Variants in OSBPL3 observed in about 807,000 individuals in gnomAD.
OSBPL3 encodes the protein oxysterol-binding protein-related protein 3.
In OSBPL3, 65 loss-of-function variants were observed where a neutral mutation model predicts 120.1. That is an observed-to-expected ratio of 0.54 (90% CI 0.44 to 0.67). The LOEUF (loss-of-function observed/expected upper bound fraction) is 0.67, where lower values mean the gene tolerates loss of function less well. Among genes scored for constraint, OSBPL3 ranks in the 30% least tolerant of loss-of-function variants. The probability of loss-of-function intolerance (pLI) is 0.00; values close to 1 mark genes in which losing one functional copy is unlikely to be tolerated. For synonymous variants in OSBPL3, 416 were observed against 402.6 expected, an observed-to-expected ratio of 1.03 and a Z score of -0.40; for missense variants, 1,004 against 1,082.1, an observed-to-expected ratio of 0.93 and a Z score of 1.01.
At position 24,947,005 on chromosome 7, in the gene OSBPL3, A is replaced by G. The variant is rs1011667085; in HGVS notation, c.-150+32881T>C. Reference sequence around the variant, plus strand: ...ATTGTTCATTATTCTTGCCGCTTTCATGTCTTTAAATTGTACAACAAAGAA... The same window carrying G: ...ATTGTTCATTATTCTTGCCGCTTTCGTGTCTTTAAATTGTACAACAAAGAA... On this transcript the variant is annotated intron_variant, in intron 1 of 22. Coordinates refer to ENST00000313367, the MANE Select transcript of OSBPL3 (RefSeq NM_015550.4). This position sits in a 1 kb window ranked among gnomAD's most constrained non-coding sequence, Gnocchi z 4.4. 2.2e-4 allele frequency among the ~76,000 whole-genome samples: 33 copies of G among 152,204 alleles called. No homozygotes were observed. Among genetic ancestry groups the G allele is most frequent in the Admixed American group, 1.3e-4 (2 of 15,280 alleles).
At chr7:24,814,912 G>A (rs1287905542) in intron 19 of OSBPL3, 147 bp downstream of exon 19, 4 of 725,038 alleles carry the variant, frequency 5.5e-6, no homozygotes, top group Non-Finnish European at 9.4e-6. Context: ...AGGTGACAGA[G>A]GTGCAGCTGG....
chr7:24,950,098 T>G (rs1012475598), intron 1 of OSBPL3, among the ~76,000 whole-genome samples: 3 of 152,244 alleles, frequency 2.0e-5, no homozygotes, highest in Non-Finnish European at 4.4e-5. Context: ...TAAAAAGTAT[T>G]CATAACAGCA....
intron 1 of OSBPL3, among the ~76,000 whole-genome samples, 170 bp downstream of exon 1, chr7:24,979,716 G>A (rs568704712): frequency 2.0e-5 from 3 of 152,146 alleles, no homozygotes; most frequent in Non-Finnish European, 2.9e-5. Context: ...CGGCACCCAA[G>A]CTCCCAGGCT....
chr7:24,954,529 C>T (rs1046333306), intron 1 of OSBPL3, among the ~76,000 whole-genome samples: 4 of 152,050 alleles, frequency 2.6e-5, no homozygotes, highest in Admixed American at 1.3e-4. Context: ...CTCTCTCTAT[C>T]CCAACCATGT....
chr7:24,966,355 T>A lies in OSBPL3; in HGVS notation c.-150+13531A>T, dbSNP rs1425756743. 1.3e-5 allele frequency among the ~76,000 whole-genome samples: 2 copies of A among 152,184 alleles called. No homozygotes were observed. The highest frequency in any genetic ancestry group is 2.9e-5 in the Non-Finnish European group (2 of 68,040). On this transcript the variant is annotated intron_variant, in intron 1 of 22. Transcript: ENST00000313367. The surrounding 1 kb of genome is among the most constrained non-coding windows in gnomAD (Gnocchi z 4.8). Reference sequence around the variant, plus strand: ...GGCAGTCATCTAATATAAAGATCTATCTACACCTAGCTACACACACCCAGG... The same window carrying A: ...GGCAGTCATCTAATATAAAGATCTAACTACACCTAGCTACACACACCCAGG...
chr7:24,979,704 G>A (rs1818034351), intron 1 of OSBPL3, among the ~76,000 whole-genome samples, 182 bp downstream of exon 1: 1 of 152,160 alleles, frequency 6.6e-6, no homozygotes, highest in Admixed American at 6.5e-5. Flanking sequence ...GGGAGCTGCA[G>A]CCGGCACCCA....
chr7:24,962,388 A>AG (rs1227020893), intron 1 of OSBPL3, among the ~76,000 whole-genome samples: 4 of 112,310 alleles, frequency 3.6e-5, no homozygotes, highest in Non-Finnish European at 7.1e-5. Context: ...AGGAGAGGGG[A>AG]GGGGGGAGGG....
chr7:24,902,715 A>ATAATAAT (rs1807237930), intron 1 of OSBPL3, among the ~76,000 whole-genome samples: 1 of 148,522 alleles, frequency 6.7e-6, no homozygotes, highest in Non-Finnish European at 1.5e-5. Context: ...AATAATAATA[A>ATAATAAT]TAATAATAAT....
rs182902362 is a variant in OSBPL3, at chr7:24,967,179, T to C, written c.-150+12707A>G. On this transcript the variant is annotated intron_variant, in intron 1 of 22. Transcript: ENST00000313367. This position sits in a 1 kb window ranked among gnomAD's most constrained non-coding sequence, Gnocchi z 5.6. The stretch of plus-strand genomic sequence containing the variant: ...TGTACACACAGAAATCTTCCAATCA[T>C]ACAACATTTAATTTTTGTATTTGAC... 1.4e-4 allele frequency among the ~76,000 whole-genome samples: 21 copies of C among 152,328 alleles called. No homozygotes were observed. The highest frequency in any genetic ancestry group is 2.6e-4 in the Non-Finnish European group (18 of 68,024).
intron 1 of OSBPL3, among the ~76,000 whole-genome samples, chr7:24,977,287 T>TA (rs1391685899): frequency 6.6e-6 from 1 of 152,168 alleles, no homozygotes; most frequent in Non-Finnish European, 1.5e-5. Flanking sequence ...TCAATGGCAG[T>TA]AAGAGTCTCA....
chr7:24,908,558 C>G (rs148004132), intron 1 of OSBPL3, among the ~76,000 whole-genome samples: 1 of 152,222 alleles, frequency 6.6e-6, no homozygotes, highest in African/African-American at 2.4e-5. Context: ...TACAGTAAAA[C>G]ATCCCCTTCT....
intron 1 of OSBPL3, among the ~76,000 whole-genome samples, chr7:24,929,982 C>A (rs1166313113): frequency 1.3e-5 from 2 of 152,140 alleles, no homozygotes; most frequent in Non-Finnish European, 2.9e-5. Flanking sequence ...CAAAGTTAGT[C>A]TTCACCTCTC....
At chr7:24,917,447 ACACAC>A (rs1218584947) in intron 1 of OSBPL3, among the ~76,000 whole-genome samples, 2 of 102,478 alleles carry the variant, frequency 2.0e-5, no homozygotes, top group South Asian at 7.1e-4. Context: ...ATATATATAT[ACACAC>A]ACATATATAT....
Position 24,980,025 on chromosome 7 carries a change from G to A in OSBPL3, c.-289C>T, listed in dbSNP as rs1309210107. The A allele has an allele frequency of 3.0e-6, 3 of 985,300 alleles. No homozygotes were observed. The highest frequency in any genetic ancestry group is 5.2e-4 in the Middle Eastern group (1 of 1,932). The allele number at this position is 985,300 out of a possible 1,614,324, so 61.0% of individuals were successfully genotyped here. On this transcript the variant is annotated 5_prime_UTR_variant, in exon 1 of 23. Transcript: ENST00000313367. ...GCTGACAGCTCCCGCACCGGCCGCAGGAGTCGGGGGCGGGGATGGCCACTT... is the reference window on the plus strand; with the variant it reads ...GCTGACAGCTCCCGCACCGGCCGCAAGAGTCGGGGGCGGGGATGGCCACTT...
intron 1 of OSBPL3, among the ~76,000 whole-genome samples, chr7:24,954,562 T>A (rs1461854230): frequency 6.6e-6 from 1 of 151,816 alleles, no homozygotes; most frequent in Non-Finnish European, 1.5e-5. Flanking sequence ...CCTGGTCAAT[T>A]CTCACACAAA....
In OSBPL3 at chr7:24,813,963, G is replaced by C. The variant is rs938139410; in HGVS notation, c.2172+1096C>G. ...CTCATGTGTGCCAGACACCATTGCA[G>C]GAATCAGGGCTACAGAAGTGAGCAA... is the stretch of plus-strand genomic sequence containing the variant. On this transcript the variant is annotated intron_variant, in intron 19 of 22. Transcript: ENST00000313367. This position sits in a 1 kb window ranked among gnomAD's most constrained non-coding sequence, Gnocchi z 4.5. 6.6e-6 allele frequency among the ~76,000 whole-genome samples: 1 copy of C among 152,128 alleles called. No homozygotes were observed. Among genetic ancestry groups the C allele is most frequent in the African/African-American group, 2.4e-5 (1 of 41,422 alleles).
chr7:24,959,570 TG>T lies in OSBPL3; in HGVS notation c.-150+20315del, dbSNP rs1815481568. Among the ~76,000 whole-genome samples, 3 of 152,206 alleles carry T rather than the reference TG, an allele frequency of 2.0e-5. No homozygotes were observed. Among genetic ancestry groups the T allele is most frequent in the Middle Eastern group, 3.2e-3 (1 of 316 alleles). On this transcript the variant is annotated intron_variant, in intron 1 of 22. Transcript: ENST00000313367. The surrounding 1 kb of genome is among the most constrained non-coding windows in gnomAD (Gnocchi z 4.3). ...GTAGGGATAGCGACTTCGGAAGAGCTGGTAATCACCTGTTTCTTGTTCTGGA... is the reference window on the plus strand; with the variant it reads ...GTAGGGATAGCGACTTCGGAAGAGCTGTAATCACCTGTTTCTTGTTCTGGA...
At position 24,854,199 on chromosome 7, in the gene OSBPL3, T is replaced by C. The variant is rs749846783; in HGVS notation, c.1028-1565A>G. ...ACATTTGAATATTATCTTTCCAATCTCCTTTATAATATTTTGTTTTAGAAG... is the reference window on the plus strand; with the variant it reads ...ACATTTGAATATTATCTTTCCAATCCCCTTTATAATATTTTGTTTTAGAAG... On this transcript the variant is annotated intron_variant, in intron 10 of 22. Coordinates refer to ENST00000313367, the MANE Select transcript of OSBPL3 (RefSeq NM_015550.4). The surrounding 1 kb of genome is among the most constrained non-coding windows in gnomAD (Gnocchi z 4.1). 7.2e-5 allele frequency among the ~76,000 whole-genome samples: 11 copies of C among 152,112 alleles called. No homozygotes were observed. The highest frequency in any genetic ancestry group is 1.0e-4 in the Non-Finnish European group (7 of 68,032).
In OSBPL3 at chr7:24,822,260, C is replaced by T. The variant is rs571924859; in HGVS notation, c.1885-2022G>A. ...CTCCTTTTCTTCACTAGCTGTCTTT[C>T]GATGAAAACAACGGAGCTAGCTTTG... On this transcript the variant is annotated intron_variant, in intron 16 of 22. Transcript: ENST00000313367. The surrounding 1 kb of genome is among the most constrained non-coding windows in gnomAD (Gnocchi z 5.8). Among the ~76,000 whole-genome samples the T allele has an allele frequency of 2.6e-5, 4 of 152,170 alleles. No individual in the cohort carries two copies. The highest frequency in any genetic ancestry group is 4.2e-4 in the South Asian group (2 of 4,814).
Sources: gnomAD v4.1 joint callset for allele counts (sites outside exome capture counted in the v4.1 genomes callset) on GRCh38, gnomAD v4.1.1 for gene constraint, Gnocchi (gnomAD v3.1) non-coding constraint, MANE v1.5 for transcripts, NCBI Gene and HGNC (gene_info 2026-07-23, HGNC 2026-07-21) for gene names.